Variants in FOXP2 observed in about 807,000 individuals in gnomAD.
The protein encoded by FOXP2 is forkhead box P2.
Under a neutral mutation model 115.8 loss-of-function variants are expected in FOXP2, and 12 were observed. That is an observed-to-expected ratio of 0.10 (90% CI 0.07 to 0.17). FOXP2 has a LOEUF of 0.17. FOXP2 is among the 10% of genes least tolerant of loss of function. FOXP2 has a pLI of 1.00. For synonymous variants in FOXP2, 328 were observed against 297.7 expected (o/e 1.10, Z -1.05); for missense variants, 629 against 843.5 (o/e 0.75, Z 3.15).
chr7:114,284,388 CA>C (rs1289811755), intron 1 of FOXP2, among the ~76,000 whole-genome samples: 1 of 152,100 alleles, frequency 6.6e-6, no homozygotes, highest in Non-Finnish European at 1.5e-5. Flanking sequence ...ATAGTTGCAA[CA>C]AATAATGTGT....
chr7:114,413,885 G>A (rs562949239), upstream of FOXP2, among the ~76,000 whole-genome samples: 4 of 152,008 alleles, frequency 2.6e-5, no homozygotes, highest in Non-Finnish European at 4.4e-5. Flanking sequence ...CTGTTGTTTT[G>A]TCTCACATTA....
At chr7:114,329,410 C>A (rs1268557140) in intron 2 of FOXP2, among the ~76,000 whole-genome samples, 11 of 150,602 alleles carry the variant, frequency 7.3e-5, no homozygotes, top group Non-Finnish European at 1.6e-4. Flanking sequence ...TCCCAACTAC[C>A]CAGGAGGCTG....
intron 1 of FOXP2, among the ~76,000 whole-genome samples, chr7:114,122,390 C>G (rs1791589005): frequency 6.6e-6 from 1 of 150,906 alleles, no homozygotes. Flanking sequence ...TTGTATCGCT[C>G]CCTGTTTTCT....
chr7:114,263,726 A>G (rs187751768), intron 1 of FOXP2, among the ~76,000 whole-genome samples: 132 of 150,808 alleles, frequency 8.8e-4, no homozygotes, highest in Non-Finnish European at 1.6e-3. Flanking sequence ...GTTCCTTTAA[A>G]ATGCTTGTGT....
chr7:114,479,659 T>G (rs1472098440), intron 2 of FOXP2, among the ~76,000 whole-genome samples: 1 of 151,588 alleles, frequency 6.6e-6, no homozygotes, highest in African/African-American at 2.4e-5. Context: ...GTGTGTGTGT[T>G]TTAAAAATTT....
intron 16 of FOXP2, among the ~76,000 whole-genome samples, chr7:114,677,365 A>T (rs1197720478): frequency 6.6e-6 from 1 of 152,148 alleles, no homozygotes; most frequent in Non-Finnish European, 1.5e-5. Flanking sequence ...CAAAGAAGAG[A>T]AGACATACGA....
At chr7:114,429,810 A>G (rs553114503) in intron 2 of FOXP2, among the ~76,000 whole-genome samples, 1 of 151,772 alleles carries the variant, frequency 6.6e-6, no homozygotes, top group East Asian at 1.9e-4. Flanking sequence ...TTGAATAACC[A>G]TTTAAAAGCT....
chr7:114,503,434 C>A (rs1369737968), intron 2 of FOXP2, among the ~76,000 whole-genome samples: 1 of 151,552 alleles, frequency 6.6e-6, no homozygotes, highest in African/African-American at 2.4e-5. Flanking sequence ...AAGCCAAGAT[C>A]AATGATCCTG....
intron 3 of FOXP2, among the ~76,000 whole-genome samples, chr7:114,556,909 A>G (rs1014306244): frequency 3.9e-5 from 6 of 152,176 alleles, no homozygotes; most frequent in African/African-American, 1.4e-4. Flanking sequence ...GATCTTTTGT[A>G]TTGTTTTTTG....
At chr7:114,546,298 T>A (rs1002405885) in intron 3 of FOXP2, among the ~76,000 whole-genome samples, 3 of 152,216 alleles carry the variant, frequency 2.0e-5, no homozygotes, top group Non-Finnish European at 2.9e-5. Context: ...AGTGTCGTAT[T>A]CCTCTGCCCT....
At chr7:114,580,993 G>A (rs1178775811) in intron 3 of FOXP2, among the ~76,000 whole-genome samples, 1 of 151,432 alleles carries the variant, frequency 6.6e-6, no homozygotes, top group African/African-American at 2.4e-5. Flanking sequence ...GAATGAGCCA[G>A]CAAAGAATGT....
chr7:114,328,919 A>G (rs1178049817), intron 2 of FOXP2, among the ~76,000 whole-genome samples: 2 of 152,196 alleles, frequency 1.3e-5, no homozygotes, highest in African/African-American at 4.8e-5. Context: ...TGAATGTGAA[A>G]TCACTCTTAG....
intron 16 of FOXP2, among the ~76,000 whole-genome samples, chr7:114,671,643 G>A (rs1433969029): frequency 1.3e-5 from 2 of 152,036 alleles, no homozygotes; most frequent in African/African-American, 2.4e-5. Context: ...AAGGAATAAT[G>A]CTTCAGTGTT....
chr7:114,255,632 A>G (rs1236800270), intron 1 of FOXP2, among the ~76,000 whole-genome samples: 3 of 152,058 alleles, frequency 2.0e-5, no homozygotes, highest in Admixed American at 6.5e-5. Context: ...GTTTGTTAAG[A>G]CCATTGGAAA....
At chr7:114,527,352 T>A (rs1167863885) in intron 2 of FOXP2, among the ~76,000 whole-genome samples, 1 of 152,074 alleles carries the variant, frequency 6.6e-6, no homozygotes, top group African/African-American at 2.4e-5. Context: ...CATGTGGTAA[T>A]TCTTTGTTTA....
At chr7:114,139,210 T>C (rs1249437994) in intron 1 of FOXP2, among the ~76,000 whole-genome samples, 2 of 152,176 alleles carry the variant, frequency 1.3e-5, no homozygotes, top group Non-Finnish European at 1.5e-5. Flanking sequence ...ACTATTTTCA[T>C]GTTAGAGCGG....
At chr7:114,127,168 C>T (rs1216412466) in intron 1 of FOXP2, among the ~76,000 whole-genome samples, 2 of 152,136 alleles carry the variant, frequency 1.3e-5, no homozygotes, top group Non-Finnish European at 2.9e-5. Context: ...TTGGATAAGT[C>T]CCCGTTTATT....
chr7:114,457,372 T>C (rs1795355328), intron 2 of FOXP2, among the ~76,000 whole-genome samples: 1 of 152,138 alleles, frequency 6.6e-6, no homozygotes, highest in Non-Finnish European at 1.5e-5. Context: ...AAAGGTTAAG[T>C]TCTCTACTTT....
chr7:114,412,094 A>AT (rs1407033025), upstream of FOXP2, among the ~76,000 whole-genome samples: 1 of 152,150 alleles, frequency 6.6e-6, no homozygotes, highest in Non-Finnish European at 1.5e-5. Context: ...ATTAAAAAAT[A>AT]TTTTTAAAGA....
Sources: gnomAD v4.1 joint callset for allele counts (sites outside exome capture counted in the v4.1 genomes callset) on GRCh38, gnomAD v4.1.1 for gene constraint, MANE v1.5 for transcripts, NCBI Gene and HGNC (gene_info 2026-07-23, HGNC 2026-07-21) for gene names.